DLG2: variants seen among roughly 807,000 people sequenced by gnomAD.
The protein encoded by DLG2 is discs large MAGUK scaffold protein 2.
DLG2 carries 45 observed loss-of-function variants against 132.5 expected under a neutral mutation model. That is an observed-to-expected ratio of 0.34 (90% CI 0.27 to 0.44). The LOEUF is 0.44. Among genes scored for constraint, DLG2 ranks in the 20% least tolerant of loss-of-function variants. The pLI is 1.00. For missense variants in DLG2, 1,045 were observed against 1,196.9 expected (o/e 0.87, Z 1.87); for synonymous variants, 424 against 419.6 (o/e 1.01, Z -0.13).
chr11:84,813,612 T>C (rs991107250), intron 6 of DLG2, among the ~76,000 whole-genome samples: 6 of 152,082 alleles, frequency 3.9e-5, no homozygotes, highest in South Asian at 2.1e-4. Context: ...GGGGAATCGC[T>C]GACAGAGAAT....
intron 19 of DLG2, among the ~76,000 whole-genome samples, chr11:83,580,496 C>T (rs1802100168): frequency 6.6e-6 from 1 of 152,128 alleles, no homozygotes; most frequent in African/African-American, 2.4e-5. Flanking sequence ...GTTTCCTTTT[C>T]TCTCCTACCA....
At chr11:85,019,586 A>G (rs1398003053) in intron 6 of DLG2, among the ~76,000 whole-genome samples, 1 of 152,050 alleles carries the variant, frequency 6.6e-6, no homozygotes, top group African/African-American at 2.4e-5. Context: ...CGTCATTTAC[A>G]TTAGGTATTT....
intron 6 of DLG2, among the ~76,000 whole-genome samples, chr11:84,746,527 A>T (rs1187939268): frequency 6.6e-6 from 1 of 152,122 alleles, no homozygotes; most frequent in Non-Finnish European, 1.5e-5. Context: ...GCCTTAGACA[A>T]GTCACTTAAC....
intron 6 of DLG2, among the ~76,000 whole-genome samples, chr11:84,987,519 T>C (rs1566583871): frequency 1.3e-5 from 2 of 152,140 alleles, no homozygotes; most frequent in African/African-American, 2.4e-5. Context: ...TTTCAAACTA[T>C]ACTTTAAGGC....
At chr11:84,345,655 C>G (rs1274110052) in intron 7 of DLG2, among the ~76,000 whole-genome samples, 1 of 151,580 alleles carries the variant, frequency 6.6e-6, no homozygotes, top group East Asian at 1.9e-4. Flanking sequence ...TTTTTTTAAC[C>G]TGAGGTTTCA....
At chr11:85,532,842 A>T (rs1286410331) in intron 3 of DLG2, among the ~76,000 whole-genome samples, 1 of 152,216 alleles carries the variant, frequency 6.6e-6, no homozygotes, top group Non-Finnish European at 1.5e-5. Context: ...TCCTGAAATC[A>T]AAGCTATTTT....
intron 3 of DLG2, among the ~76,000 whole-genome samples, chr11:85,499,103 C>G (rs1565590057): frequency 6.6e-6 from 1 of 151,988 alleles, no homozygotes; most frequent in South Asian, 2.1e-4. Context: ...AAGATCAGAG[C>G]AGAACTGTAG....
chr11:83,628,474 A>G (rs1028214255), intron 19 of DLG2, among the ~76,000 whole-genome samples: 4 of 152,130 alleles, frequency 2.6e-5, no homozygotes, highest in Non-Finnish European at 5.9e-5. Flanking sequence ...CATGTTGTCT[A>G]GCTGTGGGAT....
chr11:84,501,720 T>TG (rs1385643780), intron 7 of DLG2, among the ~76,000 whole-genome samples: 1 of 151,990 alleles, frequency 6.6e-6, no homozygotes, highest in Non-Finnish European at 1.5e-5. Context: ...TTCTCTATAA[T>TG]GAAAAAAAAT....
chr11:85,251,804 A>G (rs903788458), intron 4 of DLG2, among the ~76,000 whole-genome samples: 7 of 152,126 alleles, frequency 4.6e-5, no homozygotes, highest in Non-Finnish European at 8.8e-5. Context: ...ATATTTTATG[A>G]TTTTGTGATA....
chr11:85,571,917 T>G (rs1001479106), intron 3 of DLG2, among the ~76,000 whole-genome samples: 9 of 152,182 alleles, frequency 5.9e-5, no homozygotes, highest in African/African-American at 2.2e-4. Flanking sequence ...CCAGATATAT[T>G]TATCTGTTTT....
intron 3 of DLG2, among the ~76,000 whole-genome samples, chr11:85,364,074 G>C (rs2084358522): frequency 6.6e-6 from 1 of 152,076 alleles, no homozygotes; most frequent in African/African-American, 2.4e-5. Context: ...AGATGAGCTG[G>C]GTTATAACAA....
intron 22 of DLG2, 102 bp downstream of exon 22, chr11:83,484,027 T>C: frequency 4.4e-6 from 4 of 903,634 alleles, no homozygotes; most frequent in Non-Finnish European, 7.2e-6. Flanking sequence ...GCTGTGTTGT[T>C]TGCCTAGGTG....
chr11:83,810,666 C>T (rs1317907422), intron 17 of DLG2, among the ~76,000 whole-genome samples: 6 of 152,092 alleles, frequency 3.9e-5, no homozygotes, highest in African/African-American at 1.4e-4. Context: ...AAAATACCTA[C>T]ATACTGTAAG....
At position 85,404,272 on chromosome 11, in the gene DLG2, G is replaced by A. The variant is rs548716684; in HGVS notation, c.41-118907C>T. ...AGGAGAAAGTAAGGTAACTCAAGAA[G>A]AGTGCACAGAGGTGAATTCAGAAGA... On this transcript the variant is annotated intron_variant, in intron 3 of 27. Coordinates refer to ENST00000376104, the MANE Select transcript of DLG2 (RefSeq NM_001142699.3). 1.9e-4 allele frequency among the ~76,000 whole-genome samples: 29 copies of A among 152,072 alleles called. No individual in the cohort carries two copies. The South Asian group carries it at 5.4e-3, about 28-fold the overall frequency.
intron 7 of DLG2, among the ~76,000 whole-genome samples, chr11:84,295,096 T>C (rs1192079948): frequency 6.6e-6 from 1 of 152,202 alleles, no homozygotes; most frequent in Non-Finnish European, 1.5e-5. Context: ...CATCAACGAA[T>C]GCAGGCTTGC....
intron 7 of DLG2, among the ~76,000 whole-genome samples, chr11:84,425,345 T>C (rs193038059): frequency 6.6e-6 from 1 of 152,250 alleles, no homozygotes; most frequent in East Asian, 1.9e-4. Flanking sequence ...CATTATTTAA[T>C]CTGGATTGTA....
intron 10 of DLG2, among the ~76,000 whole-genome samples, chr11:84,085,350 C>T (rs1433088917): frequency 6.6e-6 from 1 of 152,158 alleles, no homozygotes. Flanking sequence ...AGAATGACAA[C>T]ATGTGTCTGG....
chr11:84,202,986 G>C (rs1253423555), intron 8 of DLG2, among the ~76,000 whole-genome samples: 4 of 152,186 alleles, frequency 2.6e-5, no homozygotes, highest in Non-Finnish European at 5.9e-5. Context: ...AGGTTATGGA[G>C]AAAAAGGAAA....
Sources: allele counts gnomAD v4.1 joint callset (sites outside exome capture counted in the v4.1 genomes callset), GRCh38; gene constraint gnomAD v4.1.1; transcripts MANE v1.5; gene names NCBI Gene and HGNC (gene_info 2026-07-23, HGNC 2026-07-21).